Variants in STK32B observed in about 807,000 individuals in gnomAD.
STK32B encodes serine/threonine kinase 32B, also known as serine/threonine-protein kinase 32B.
Under a neutral mutation model 52.6 loss-of-function variants are expected in STK32B, and 43 were observed. The ratio of observed to expected loss-of-function variants is 0.82; its 90% CI spans 0.64 to 1.05. The LOEUF is 1.05. Among genes scored for constraint, STK32B ranks in the 50% least tolerant of loss-of-function variants. STK32B has a pLI of 0.00. For synonymous variants in STK32B, 238 were observed against 204.3 expected (o/e 1.17, Z -1.41); for missense variants, 621 against 534.6 (o/e 1.16, Z -1.59).
At chr4:5,435,767 G>T (rs1157748422) in intron 6 of STK32B, 1 of 152,192 alleles carries the variant, frequency 6.6e-6, no homozygotes, top group Non-Finnish European at 1.5e-5. Flanking sequence ...GGAGTCAAGA[G>T]AAAAGGGAGA....
chr4:5,390,447 A>G (rs1736523156), intron 4 of STK32B, among the ~76,000 whole-genome samples: 1 of 152,178 alleles, frequency 6.6e-6, no homozygotes, highest in Non-Finnish European at 1.5e-5. Flanking sequence ...ACAAGCTTCA[A>G]AGTTGGAGGA....
intron 2 of STK32B, among the ~76,000 whole-genome samples, chr4:5,141,527 G>C (rs960375363): frequency 6.6e-6 from 1 of 152,126 alleles, no homozygotes; most frequent in Admixed American, 6.5e-5. Flanking sequence ...AGGCTTGGGG[G>C]TTTCTGGGGG....
chr4:5,072,796 T>A (rs975611929), intron 1 of STK32B, among the ~76,000 whole-genome samples: 2 of 152,126 alleles, frequency 1.3e-5, no homozygotes, highest in African/African-American at 4.8e-5. Context: ...AAAAAGATAA[T>A]TACTGAGAAA....
chr4:5,333,965 T>C (rs1385455944), intron 4 of STK32B, among the ~76,000 whole-genome samples: 1 of 152,218 alleles, frequency 6.6e-6, no homozygotes, highest in African/African-American at 2.4e-5. Context: ...GCGAGCTCTT[T>C]TTTGGTTCCA....
At position 5,122,088 on chromosome 4, in the gene STK32B, T is replaced by G. The variant is rs568818620; in HGVS notation, c.53-17817T>G. On this transcript the variant is annotated intron_variant, in intron 1 of 11. Transcript: ENST00000282908. ...CTAATTCACATACTCATTCTCTCACTCATTTACTCACTCATTCACTTACTC... is the reference window on the plus strand; with the variant it reads ...CTAATTCACATACTCATTCTCTCACGCATTTACTCACTCATTCACTTACTC... Among the ~76,000 whole-genome samples the G allele has an allele frequency of 2.0e-5, 3 of 152,212 alleles. No homozygotes were observed. In the South Asian group the frequency reaches 6.2e-4, roughly 32 times the overall value.
rs1736942496 is a variant in STK32B, at chr4:5,396,707, T to G, written c.435-1500T>G. Among the ~76,000 whole-genome samples, 1 of 152,268 alleles carries G rather than the reference T, an allele frequency of 6.6e-6. No homozygotes were observed. Reference sequence around the variant, plus strand: ...TCAGTCCCGGTGATACCTTAAGAGATAAGCTTGAACATTTGCTGCTGTGTT... The same window carrying G: ...TCAGTCCCGGTGATACCTTAAGAGAGAAGCTTGAACATTTGCTGCTGTGTT... On this transcript the variant is annotated intron_variant, in intron 4 of 11. Transcript: ENST00000282908. The surrounding 1 kb of genome is among the most constrained non-coding windows in gnomAD (Gnocchi z 4.7).
intron 5 of STK32B, among the ~76,000 whole-genome samples, chr4:5,403,142 A>G (rs921871496): frequency 6.6e-6 from 1 of 152,174 alleles, no homozygotes; most frequent in Non-Finnish European, 1.5e-5. Flanking sequence ...GGGCTGGCCA[A>G]TCCTAGGGCT....
rs371230799 is a variant in STK32B, at chr4:5,051,569, G to A, written c.-295G>A. ...CGCCGCACGTTGGCCCCGGCGCGAG[G>A]AGCTCCCGGGTTCCCGGGCGGGCAC... On this transcript the variant is annotated 5_prime_UTR_variant, in exon 1 of 12. Coordinates refer to ENST00000282908, the MANE Select transcript of STK32B (RefSeq NM_018401.3). The A allele has an allele frequency of 5.1e-6, 2 of 394,884 alleles. No homozygotes were observed. The highest frequency in any genetic ancestry group is 4.2e-5 in the African/African-American group (2 of 47,400). The allele number at this position is 394,884 out of a possible 1,614,324, so 24.5% of individuals were successfully genotyped here.
At chr4:5,183,179 CTTT>C (rs1300634722) in intron 3 of STK32B, among the ~76,000 whole-genome samples, 19 of 152,064 alleles carry the variant, frequency 1.2e-4, no homozygotes, top group Non-Finnish European at 4.4e-5. Flanking sequence ...TTTTTTGAAG[CTTT>C]AAAACCAGGC....
At chr4:5,351,473 G>T (rs552119232) in intron 4 of STK32B, among the ~76,000 whole-genome samples, 1 of 152,010 alleles carries the variant, frequency 6.6e-6, no homozygotes, top group Admixed American at 6.5e-5. Flanking sequence ...AGTGCTAAGA[G>T]GGAAGTTTAT....
At chr4:5,365,715 G>A (rs1354313) in intron 4 of STK32B, among the ~76,000 whole-genome samples, 7,320 of 152,184 alleles carry the variant, frequency 0.048, 460 homozygotes, top group Admixed American at 0.18. Context: ...CCATTTTCCC[G>A]TGGAGCATTG....
chr4:5,206,163 CTA>C (rs1188234710), intron 3 of STK32B, among the ~76,000 whole-genome samples: 2 of 152,182 alleles, frequency 1.3e-5, no homozygotes, highest in African/African-American at 4.8e-5. Context: ...AAATATCTTT[CTA>C]TGTCATCATA....
intron 4 of STK32B, among the ~76,000 whole-genome samples, chr4:5,368,898 C>T (rs1474937027): frequency 2.6e-5 from 4 of 152,168 alleles, no homozygotes; most frequent in African/African-American, 7.2e-5. Context: ...CTTTCCCACT[C>T]TCCTCTTCTC....
intron 3 of STK32B, among the ~76,000 whole-genome samples, chr4:5,216,814 TG>T (rs2108791999): frequency 6.6e-6 from 1 of 152,216 alleles, no homozygotes; most frequent in African/African-American, 2.4e-5. Flanking sequence ...CCAGGTGTGG[TG>T]GGTGTGATAT....
intron 1 of STK32B, among the ~76,000 whole-genome samples, chr4:5,097,813 A>T (rs988415182): frequency 2.6e-5 from 4 of 152,250 alleles, no homozygotes; most frequent in Non-Finnish European, 5.9e-5. Flanking sequence ...GCTGCATAAC[A>T]AATTGCCCTA....
At chr4:5,174,947 T>C (rs932628976) in intron 3 of STK32B, among the ~76,000 whole-genome samples, 33 of 152,214 alleles carry the variant, frequency 2.2e-4, no homozygotes, top group African/African-American at 7.7e-4. Context: ...ACCAATCAGA[T>C]GTAGATTTGG....
intron 6 of STK32B, chr4:5,436,654 G>A (rs1297811902): frequency 1.0e-6 from 1 of 985,288 alleles, no homozygotes; most frequent in Non-Finnish European, 1.2e-6. Context: ...AGCTGAGGAA[G>A]GGAGGGTACA....
intron 3 of STK32B, among the ~76,000 whole-genome samples, chr4:5,217,564 A>G: frequency 6.6e-6 from 1 of 152,244 alleles, no homozygotes; most frequent in Non-Finnish European, 1.5e-5. Context: ...TTTCAATTAC[A>G]AGATTTGGCC....
chr4:5,370,434 AAG>A (rs1735153675), intron 4 of STK32B, among the ~76,000 whole-genome samples: 1 of 152,194 alleles, frequency 6.6e-6, no homozygotes, highest in Admixed American at 6.5e-5. Context: ...GATGGTTGTG[AAG>A]AGAGTGAGTC....
Sources: gnomAD v4.1 joint callset for allele counts (sites outside exome capture counted in the v4.1 genomes callset) on GRCh38, gnomAD v4.1.1 for gene constraint, Gnocchi (gnomAD v3.1) non-coding constraint, MANE v1.5 for transcripts, NCBI Gene and HGNC (gene_info 2026-07-23, HGNC 2026-07-21) for gene names.